Variants in C12orf54 observed in about 807,000 individuals in gnomAD.
C12orf54 encodes the protein uncharacterized protein C12orf54.
C12orf54 carries 24 observed loss-of-function variants against 26.4 expected under a neutral mutation model. The ratio of observed to expected loss-of-function variants is 0.91; its 90% CI spans 0.66 to 1.28. C12orf54 has a LOEUF of 1.28. Among genes scored for constraint, C12orf54 ranks in the 50% most tolerant of loss-of-function variants. The pLI is 0.00. For missense variants in C12orf54, 154 were observed against 150.9 expected (o/e 1.02, Z -0.11); for synonymous variants, 54 against 47.0 (o/e 1.15, Z -0.61).
At chr12:48,481,691 T>C (rs1001182506), upstream of C12orf54, among the ~76,000 whole-genome samples, 1 of 152,176 alleles carries the variant, frequency 6.6e-6, no homozygotes, top group Non-Finnish European at 1.5e-5. Flanking sequence ...AGCCCTCTCC[T>C]TCTCCACTCT....
chr12:48,444,140 A>G, the C12orf54 span, among the ~76,000 whole-genome samples: 32,313 of 152,198 alleles, frequency 0.21, 5,629 homozygotes, highest in East Asian at 0.66. Flanking sequence ...AGAGGAAAAT[A>G]AAAGGTTAAA....
chr12:48,477,702 A>G (rs534815876), upstream of C12orf54, among the ~76,000 whole-genome samples: 11 of 152,332 alleles, frequency 7.2e-5, no homozygotes, highest in East Asian at 2.1e-3. Flanking sequence ...ACCAGGAAGA[A>G]GTTGAATCTC....
At chr12:48,484,170 G>A (rs1490789868) in intron 2 of C12orf54, among the ~76,000 whole-genome samples, 1 of 152,186 alleles carries the variant, frequency 6.6e-6, no homozygotes, top group African/African-American at 2.4e-5. Flanking sequence ...ACTCCAGCCT[G>A]GGCAATAAGA....
the C12orf54 span, among the ~76,000 whole-genome samples, chr12:48,450,006 T>C: frequency 6.6e-6 from 1 of 152,186 alleles, no homozygotes; most frequent in Admixed American, 6.5e-5. Flanking sequence ...AGAAGCACCC[T>C]CTGCCATGAT....
In C12orf54 at chr12:48,496,413, G is replaced by T. The variant is rs1474704911; in HGVS notation, c.*273G>T. 6 of 152,680 alleles carry T rather than the reference G, an allele frequency of 3.9e-5. No individual in the cohort carries two copies. Among genetic ancestry groups the T allele is most frequent in the African/African-American group, 1.2e-4 (5 of 41,466 alleles). The allele number at this position is 152,680 out of a possible 1,614,324, so 9.5% of individuals were successfully genotyped here. ...TTGCCTTCCTGGTTCTTCCTGGGCTGTGGAATGGGTAGTGATAGAATTTCC... is the reference window on the plus strand; with the variant it reads ...TTGCCTTCCTGGTTCTTCCTGGGCTTTGGAATGGGTAGTGATAGAATTTCC... On this transcript the variant is annotated 3_prime_UTR_variant, in exon 9 of 9. Coordinates refer to ENST00000548364, the MANE Select transcript of C12orf54 (RefSeq NM_152319.4).
chr12:48,494,670 G>T (rs1937870755), intron 7 of C12orf54, 128 bp from the exon 8 acceptor site: 14 of 1,038,826 alleles, frequency 1.3e-5, no homozygotes, highest in Non-Finnish European at 1.8e-5. Context: ...GCAACTCCCA[G>T]AGCCTGAGAT....
At chr12:48,426,763 A>AT in the C12orf54 span, among the ~76,000 whole-genome samples, 1 of 152,134 alleles carries the variant, frequency 6.6e-6, no homozygotes, top group African/African-American at 2.4e-5. Context: ...TTCTTTGAGC[A>AT]GTGTTTTGTA....
At chr12:48,433,323 A>G in the C12orf54 span, among the ~76,000 whole-genome samples, 2 of 152,224 alleles carry the variant, frequency 1.3e-5, no homozygotes, top group Non-Finnish European at 2.9e-5. Flanking sequence ...AGGCGATTCT[A>G]TTCAAAAAAC....
At chr12:48,490,698 C>T in intron 5 of C12orf54, 114 bp from the exon 6 acceptor site, 2 of 1,193,840 alleles carry the variant, frequency 1.7e-6, no homozygotes, top group South Asian at 1.3e-5. Flanking sequence ...TCCAAGAAGC[C>T]CATATTTTCC....
the C12orf54 span, among the ~76,000 whole-genome samples, chr12:48,469,365 C>T: frequency 1.1e-4 from 17 of 152,280 alleles, no homozygotes; most frequent in African/African-American, 3.4e-4. Context: ...AAAAGAATTC[C>T]GCGATATTTC....
the C12orf54 span, among the ~76,000 whole-genome samples, chr12:48,451,460 C>T: frequency 7.9e-5 from 12 of 152,156 alleles, no homozygotes; most frequent in East Asian, 2.3e-3. Flanking sequence ...CTCACCACTC[C>T]TATTCAATAT....
the C12orf54 span, among the ~76,000 whole-genome samples, chr12:48,430,603 C>T: frequency 3.3e-5 from 5 of 152,034 alleles, no homozygotes; most frequent in African/African-American, 1.2e-4. Flanking sequence ...TGTGATGCCA[C>T]CTTACTCCTG....
the C12orf54 span, chr12:48,473,464 G>C: frequency 1.9e-6 from 1 of 516,560 alleles, no homozygotes; most frequent in South Asian, 1.9e-5. Context: ...ACTGTTTTTA[G>C]CCGTATCCCC....
At chr12:48,453,764 C>T in the C12orf54 span, among the ~76,000 whole-genome samples, 1 of 150,948 alleles carries the variant, frequency 6.6e-6, no homozygotes, top group East Asian at 2.0e-4. Flanking sequence ...CACACACACA[C>T]AATATATATG....
the C12orf54 span, chr12:48,472,576 G>T: frequency 1.2e-5 from 18 of 1,502,774 alleles, no homozygotes; most frequent in East Asian, 9.0e-5. Flanking sequence ...CAGCAGAGCT[G>T]GTTGAGCTTT....
chr12:48,473,476 C>T, the C12orf54 span: 1 of 469,024 alleles, frequency 2.1e-6, no homozygotes. Context: ...CGTATCCCCT[C>T]CCCCACTCCA....
chr12:48,432,961 A>T, the C12orf54 span, among the ~76,000 whole-genome samples: 1 of 152,234 alleles, frequency 6.6e-6, no homozygotes, highest in Non-Finnish European at 1.5e-5. Flanking sequence ...TGTATAAACA[A>T]GACAGTAGTA....
At chr12:48,450,520 C>A in the C12orf54 span, among the ~76,000 whole-genome samples, 2 of 152,158 alleles carry the variant, frequency 1.3e-5, no homozygotes, top group Admixed American at 6.5e-5. Flanking sequence ...CATGAGAAAA[C>A]CCTTCAAAAG....
the C12orf54 span, among the ~76,000 whole-genome samples, chr12:48,446,303 A>G: frequency 6.6e-6 from 1 of 152,228 alleles, no homozygotes; most frequent in African/African-American, 2.4e-5. Flanking sequence ...CTGAAGTTTG[A>G]CAGCATTTTT....
Sources: gnomAD v4.1 joint callset for allele counts (sites outside exome capture counted in the v4.1 genomes callset) on GRCh38, gnomAD v4.1.1 for gene constraint, MANE v1.5 for transcripts, NCBI Gene and HGNC (gene_info 2026-07-23, HGNC 2026-07-21) for gene names.